Variants in CA5A observed in about 807,000 individuals in gnomAD.
CA5A encodes the protein carbonic anhydrase 5A, mitochondrial.
A neutral mutation model predicts 37.1 loss-of-function variants in CA5A; 28 were observed. The ratio of observed to expected loss-of-function variants is 0.75; its 90% CI spans 0.56 to 1.03. The LOEUF is 1.03. CA5A is among the 50% of genes least tolerant of loss of function. The pLI is 0.00. For synonymous variants in CA5A, 171 were observed against 158.4 expected, an observed-to-expected ratio of 1.08 and a Z score of -0.60; for missense variants, 444 against 399.9, an observed-to-expected ratio of 1.11 and a Z score of -0.94.
intron 2 of CA5A, 96 bp downstream of exon 2, chr16:87,926,652 C>T (rs2144070271): frequency 2.1e-6 from 2 of 956,204 alleles, no homozygotes; most frequent in Admixed American, 4.0e-5. Flanking sequence ...GAAAGCAGCA[C>T]CTTCCTGCTC....
chr16:87,908,480 T>C (rs1027345336), intron 2 of CA5A, among the ~76,000 whole-genome samples: 4 of 152,068 alleles, frequency 2.6e-5, no homozygotes, highest in Admixed American at 1.3e-4. Context: ...CACCCTAGGG[T>C]TCTACGTAGG....
chr16:87,912,540 T>C (rs192279567), intron 2 of CA5A, among the ~76,000 whole-genome samples: 132 of 152,290 alleles, frequency 8.7e-4, no homozygotes, highest in African/African-American at 3.0e-3. Context: ...AAACACCCAC[T>C]GACTTTCTCC....
intron 5 of CA5A, among the ~76,000 whole-genome samples, chr16:87,894,436 T>G (rs1323575972): frequency 6.6e-6 from 1 of 152,040 alleles, no homozygotes; most frequent in East Asian, 1.9e-4. Flanking sequence ...TGGGCTTGTC[T>G]CCTAACATCA....
At chr16:87,908,027 G>A (rs981318014) in intron 2 of CA5A, among the ~76,000 whole-genome samples, 3 of 152,204 alleles carry the variant, frequency 2.0e-5, no homozygotes, top group African/African-American at 7.2e-5. Flanking sequence ...GGCACACAAC[G>A]AACCCTCATG....
intron 5 of CA5A, among the ~76,000 whole-genome samples, chr16:87,898,603 C>T (rs2055834461): frequency 1.3e-5 from 2 of 152,228 alleles, no homozygotes; most frequent in Admixed American, 6.5e-5. Flanking sequence ...CAGCCTGTGC[C>T]TTCCACAGCA....
At chr16:87,906,156 G>C (rs1170355428) in intron 2 of CA5A, among the ~76,000 whole-genome samples, 1 of 152,166 alleles carries the variant, frequency 6.6e-6, no homozygotes, top group Admixed American at 6.5e-5. Flanking sequence ...GGGCAAGGCT[G>C]GAAGGCGCCA....
At chr16:87,892,556 A>AAT (rs1303452843) in intron 5 of CA5A, among the ~76,000 whole-genome samples, 2,727 of 136,474 alleles carry the variant, frequency 0.02, 28 homozygotes, top group East Asian at 0.026. Context: ...TAATAATAAT[A>AAT]AATTAATTAA....
intron 3 of CA5A, among the ~76,000 whole-genome samples, chr16:87,903,499 A>C (rs1283983889): frequency 6.6e-6 from 1 of 152,246 alleles, no homozygotes; most frequent in Non-Finnish European, 1.5e-5. Context: ...GCAGATAGAG[A>C]TACTAAAATA....
intron 2 of CA5A, among the ~76,000 whole-genome samples, chr16:87,924,788 C>G (rs1036160920): frequency 6.6e-6 from 1 of 152,002 alleles, no homozygotes; most frequent in Non-Finnish European, 1.5e-5. Flanking sequence ...GGCAGCGTCC[C>G]GCTTGTTGGT....
At chr16:87,902,783 G>A (rs2055898702) in intron 3 of CA5A, among the ~76,000 whole-genome samples, 1 of 151,574 alleles carries the variant, frequency 6.6e-6, no homozygotes, top group Admixed American at 6.6e-5. Context: ...GTGGTGGCGG[G>A]AGCCTGTAGT....
intron 5 of CA5A, among the ~76,000 whole-genome samples, chr16:87,897,684 G>A (rs1014859951): frequency 2.6e-5 from 4 of 152,188 alleles, no homozygotes; most frequent in Admixed American, 2.0e-4. Flanking sequence ...CAGGATGACT[G>A]GGACTTCAGG....
intron 1 of CA5A, among the ~76,000 whole-genome samples, chr16:87,930,787 C>T (rs1208677729): frequency 1.3e-5 from 2 of 149,788 alleles, no homozygotes; most frequent in Non-Finnish European, 2.9e-5. Flanking sequence ...GTGGCCCAGG[C>T]TGGAGTGCAG....
chr16:87,882,453 T>C (rs531291385), intron 4 of CA5A: 4 of 152,252 alleles, frequency 2.6e-5, no homozygotes, highest in Non-Finnish European at 5.9e-5. Flanking sequence ...AGCCTCAGTT[T>C]CCTTATTAAA....
intron 2 of CA5A, among the ~76,000 whole-genome samples, chr16:87,917,067 T>C (rs1209645693): frequency 1.4e-5 from 2 of 142,502 alleles, no homozygotes; most frequent in Admixed American, 1.5e-4. Flanking sequence ...ACAGCTCCAC[T>C]GCACTCCAGC....
intron 2 of CA5A, chr16:87,923,446 C>G (rs1433282526): frequency 4.2e-6 from 3 of 706,266 alleles, no homozygotes; most frequent in Non-Finnish European, 5.2e-6. Flanking sequence ...CCTCGGCTTC[C>G]CAAAGTGCTG....
rs1418585195 is a variant in CA5A, at chr16:87,914,894, C to CAT, written c.341-9991_341-9990insAT. 9.2e-5 allele frequency among the ~76,000 whole-genome samples: 14 copies of CAT among 152,204 alleles called. 1 individual carries two copies. The highest frequency in any genetic ancestry group is 1.9e-4 in the Non-Finnish European group (13 of 68,030). On this transcript the variant is annotated intron_variant, in intron 2 of 6. Transcript: ENST00000649794. ...GAGAAGTGCAGCCATGAGCCAGGAA[C>CAT]AGAGCTGAGATGAAACCTCGGCCTC...
At chr16:87,916,599 G>A (rs1427847548) in intron 2 of CA5A, among the ~76,000 whole-genome samples, 1 of 152,122 alleles carries the variant, frequency 6.6e-6, no homozygotes, top group Admixed American at 6.5e-5. Flanking sequence ...TCTTTCTTAT[G>A]TACATATTCG....
downstream of CA5A, chr16:87,886,145 T>TTTC (rs760564084): frequency 8.8e-6 from 1 of 113,906 alleles, no homozygotes; most frequent in African/African-American, 4.2e-5. Context: ...TGGATCAAGT[T>TTTC]TTTTTTTTTT....
At chr16:87,886,469 T>C (rs185294751), downstream of CA5A, 31 of 152,318 alleles carry the variant, frequency 2.0e-4, no homozygotes, top group East Asian at 5.8e-3. Flanking sequence ...CCTGTTTAGA[T>C]CTATAATCTG....
Sources: gnomAD v4.1 joint callset for allele counts (sites outside exome capture counted in the v4.1 genomes callset) on GRCh38, gnomAD v4.1.1 for gene constraint, MANE v1.5 for transcripts, NCBI Gene and HGNC (gene_info 2026-07-23, HGNC 2026-07-21) for gene names.